The following CTIF variants were observed in gnomAD, a reference collection of about 807,000 sequenced individuals.
CTIF encodes cap binding complex dependent translation initiation factor.
CTIF carries 21 observed loss-of-function variants against 66.0 expected under a neutral mutation model. The ratio of observed to expected loss-of-function variants is 0.32; its 90% CI spans 0.23 to 0.46. The LOEUF (loss-of-function observed/expected upper bound fraction) is 0.46, where lower values mean the gene tolerates loss of function less well. Ranked by LOEUF, CTIF falls within the 20% of genes least tolerant of loss-of-function variation. The pLI, the probability that CTIF is intolerant of heterozygous loss-of-function variation, is 1.00. For missense variants in CTIF, 739 were observed against 812.7 expected (o/e 0.91, Z 1.10); for synonymous variants, 345 against 326.4 (o/e 1.06, Z -0.62).
rs567734414 is a variant in CTIF, at chr18:48,593,454, C to T, written c.-28-26084C>T. ...AGAGTGCAGTGGCGCGATCTCGGCTCACTGCAAGCTCTGCCTCCCGGGTTC... is the reference window on the plus strand; with the variant it reads ...AGAGTGCAGTGGCGCGATCTCGGCTTACTGCAAGCTCTGCCTCCCGGGTTC... On this transcript the variant is annotated intron_variant, in intron 1 of 11. Coordinates refer to ENST00000256413, the MANE Select transcript of CTIF (RefSeq NM_014772.3). 8.6e-4 allele frequency among the ~76,000 whole-genome samples: 130 copies of T among 151,012 alleles called. 3 individuals carry two copies. In the South Asian group the frequency reaches 0.021, roughly 25 times the overall value.
chr18:48,604,765 A>G (rs1454110484), intron 1 of CTIF, among the ~76,000 whole-genome samples: 4 of 152,178 alleles, frequency 2.6e-5, no homozygotes, highest in African/African-American at 9.7e-5. Context: ...CCCTTTAGCT[A>G]TCACCCCCTT....
intron 9 of CTIF, among the ~76,000 whole-genome samples, chr18:48,780,142 C>T (rs1237344921): frequency 1.3e-5 from 2 of 151,994 alleles, no homozygotes; most frequent in Non-Finnish European, 2.9e-5. Flanking sequence ...GTGTAAGAGG[C>T]CAAGCCTGCA....
chr18:48,606,360 G>A (rs1259256463), intron 1 of CTIF, among the ~76,000 whole-genome samples: 1 of 152,224 alleles, frequency 6.6e-6, no homozygotes, highest in East Asian at 1.9e-4. Flanking sequence ...TCATCATCCT[G>A]CCCTGTCACT....
chr18:48,803,254 G>A (rs1356072276), intron 9 of CTIF, among the ~76,000 whole-genome samples: 1 of 152,226 alleles, frequency 6.6e-6, no homozygotes, highest in East Asian at 1.9e-4. Context: ...CACAGTGTGT[G>A]CCCTTTGTCT....
At chr18:48,769,853 G>A (rs1027197153) in intron 9 of CTIF, among the ~76,000 whole-genome samples, 4 of 152,238 alleles carry the variant, frequency 2.6e-5, no homozygotes, top group African/African-American at 9.6e-5. Context: ...GGTCCTGTAT[G>A]TCTCTGTTCA....
chr18:48,637,724 G>T (rs1443137406), intron 3 of CTIF, among the ~76,000 whole-genome samples: 2 of 152,154 alleles, frequency 1.3e-5, no homozygotes, highest in South Asian at 4.1e-4. Flanking sequence ...AGGGACGGCT[G>T]CCCAGGATGG....
chr18:48,597,864 G>A (rs1362536208), intron 1 of CTIF, among the ~76,000 whole-genome samples: 1 of 152,230 alleles, frequency 6.6e-6, no homozygotes, highest in Non-Finnish European at 1.5e-5. Flanking sequence ...CCTCTTGTCT[G>A]GAGGAGGGCC....
intron 7 of CTIF, among the ~76,000 whole-genome samples, chr18:48,714,854 C>G (rs2092264389): frequency 6.6e-6 from 1 of 152,174 alleles, no homozygotes; most frequent in Non-Finnish European, 1.5e-5. Context: ...AAAATGGGTT[C>G]ACTAGTCAGG....
chr18:48,710,323 T>C (rs1402898671), intron 6 of CTIF, among the ~76,000 whole-genome samples: 2 of 152,190 alleles, frequency 1.3e-5, no homozygotes, highest in Non-Finnish European at 2.9e-5. Context: ...TGTGGCTCCC[T>C]GTCATCCAGC....
intron 1 of CTIF, among the ~76,000 whole-genome samples, chr18:48,588,118 G>C (rs528008673): frequency 3.3e-5 from 5 of 152,298 alleles, no homozygotes; most frequent in African/African-American, 1.2e-4. Flanking sequence ...TCTGTGCCTT[G>C]TGGGGAGCCG....
At position 48,859,755 on chromosome 18, in the gene CTIF, C is replaced by T; in HGVS notation, c.*196C>T. The stretch of plus-strand genomic sequence containing the variant: ...AGAGGAGTGCCCCCGCACAAGCCCC[C>T]CAGCCCGAGCATGCAAGCTCACACC... On this transcript the variant is annotated 3_prime_UTR_variant, in exon 12 of 12. Coordinates refer to ENST00000256413, the MANE Select transcript of CTIF (RefSeq NM_014772.3). The T allele has an allele frequency of 2.9e-6, 2 of 698,872 alleles. No homozygotes were observed. Among genetic ancestry groups the T allele is most frequent in the Non-Finnish European group, 5.2e-6 (2 of 383,190 alleles). 43.3% of individuals were successfully genotyped at this position (698,872 alleles called of 1,614,324 possible). A position where few individuals can be genotyped will look rare whatever the true frequency, so the allele number is the denominator to read the frequency against.
At chr18:48,591,184 G>C (rs1033905314) in intron 1 of CTIF, among the ~76,000 whole-genome samples, 21 of 152,160 alleles carry the variant, frequency 1.4e-4, no homozygotes, top group African/African-American at 4.8e-4. Flanking sequence ...CTATAGCTCA[G>C]ATCTACTCAG....
chr18:48,748,509 C>A (rs1013654736), intron 7 of CTIF, among the ~76,000 whole-genome samples: 1 of 152,104 alleles, frequency 6.6e-6, no homozygotes, highest in East Asian at 1.9e-4. Context: ...CAGGCCCATT[C>A]CCTGGGAAGG....
intron 3 of CTIF, among the ~76,000 whole-genome samples, chr18:48,641,893 C>G (rs547049107): frequency 6.6e-6 from 1 of 152,318 alleles, no homozygotes; most frequent in African/African-American, 2.4e-5. Flanking sequence ...CAGGGGATAA[C>G]AGATGGTAGG....
In CTIF at chr18:48,730,514, T is replaced by C. The variant is rs78592359; in HGVS notation, c.584+18819T>C. On this transcript the variant is annotated intron_variant, in intron 7 of 11. Transcript: ENST00000256413. ...GGGCTTCTGCGGTGTGAGGGGCTTC[T>C]GCGGTGTGAGGGGCCCCTGTGGTGT... Among the ~76,000 whole-genome samples the C allele has an allele frequency of 8.3e-4, 56 of 67,268 alleles. 11 individuals carry two copies. The highest frequency in any genetic ancestry group is 1.8e-3 in the African/African-American group (33 of 18,242). 44.1% of individuals were successfully genotyped at this position (67,268 alleles called of 152,430 possible).
At chr18:48,640,237 A>G (rs563087391) in intron 3 of CTIF, among the ~76,000 whole-genome samples, 1 of 152,222 alleles carries the variant, frequency 6.6e-6, no homozygotes, top group African/African-American at 2.4e-5. Flanking sequence ...TCACGCGCCC[A>G]GGCAGACACC....
At chr18:48,740,314 C>T (rs892892211) in intron 7 of CTIF, among the ~76,000 whole-genome samples, 2 of 152,214 alleles carry the variant, frequency 1.3e-5, no homozygotes, top group African/African-American at 4.8e-5. Context: ...CCCCCTGTAG[C>T]CAGGTTCCTG....
intron 7 of CTIF, among the ~76,000 whole-genome samples, chr18:48,748,809 G>A (rs995988259): frequency 7.2e-5 from 11 of 152,216 alleles, no homozygotes; most frequent in African/African-American, 1.9e-4. Flanking sequence ...GCTAACTAGT[G>A]AGGTATAGGG....
rs117746122 is a variant in CTIF, at chr18:48,617,493, C to T, written c.-28-2045C>T. On this transcript the variant is annotated intron_variant, in intron 1 of 11. Coordinates refer to ENST00000256413, the MANE Select transcript of CTIF (RefSeq NM_014772.3). ...TGTCTTAGAATTCTGTCTGCCACACCTAGCATGTGCCCAGGATGAGGAGCA... is the reference window on the plus strand; with the variant it reads ...TGTCTTAGAATTCTGTCTGCCACACTTAGCATGTGCCCAGGATGAGGAGCA... Among the ~76,000 whole-genome samples, 102 of 152,328 alleles carry T rather than the reference C, an allele frequency of 6.7e-4. No individual in the cohort carries two copies. In the East Asian group the frequency reaches 0.019, roughly 28 times the overall value.
Sources: allele counts gnomAD v4.1 joint callset (sites outside exome capture counted in the v4.1 genomes callset), GRCh38; gene constraint gnomAD v4.1.1; transcripts MANE v1.5; gene names NCBI Gene and HGNC (gene_info 2026-07-23, HGNC 2026-07-21).